ZNF385D: variants seen among roughly 807,000 people sequenced by gnomAD.
ZNF385D encodes the protein zinc finger protein 385D, also known as zinc finger protein 659.
ZNF385D carries 15 observed loss-of-function variants against 35.8 expected under a neutral mutation model. That is an observed-to-expected ratio of 0.42 (90% confidence interval 0.28 to 0.64). ZNF385D has a LOEUF of 0.64. ZNF385D is among the 30% of genes least tolerant of loss of function. The probability of loss-of-function intolerance (pLI) is 0.23; values close to 1 mark genes in which losing one functional copy is unlikely to be tolerated. For synonymous variants in ZNF385D, 212 were observed against 186.8 expected, an observed-to-expected ratio of 1.13 and a Z score of -1.10; for missense variants, 474 against 494.6, an observed-to-expected ratio of 0.96 and a Z score of 0.39.
chr3:21,489,361 A>G (rs910935164), intron 4 of ZNF385D, among the ~76,000 whole-genome samples: 16 of 152,158 alleles, frequency 1.1e-4, no homozygotes, highest in African/African-American at 3.6e-4. Context: ...CATTTGGTCC[A>G]TAGACAGAGA....
At chr3:21,572,654 A>G in intron 2 of ZNF385D, among the ~76,000 whole-genome samples, 1 of 152,182 alleles carries the variant, frequency 6.6e-6, no homozygotes, top group East Asian at 1.9e-4. Flanking sequence ...TAGATTAAAT[A>G]AATCTCGTTA....
chr3:21,819,635 A>T (rs925524064), intron 3 of ZNF385D, among the ~76,000 whole-genome samples: 1 of 146,592 alleles, frequency 6.8e-6, no homozygotes, highest in Non-Finnish European at 1.5e-5. Flanking sequence ...TTATATAATT[A>T]TATATTCTAT....
chr3:21,613,237 T>C (rs2064740839), intron 2 of ZNF385D, among the ~76,000 whole-genome samples: 1 of 152,030 alleles, frequency 6.6e-6, no homozygotes, highest in South Asian at 2.1e-4. Context: ...TCAAGCTGAA[T>C]GTATACCCAA....
In ZNF385D at chr3:21,976,031, C is replaced by A. The variant is rs147910211; in HGVS notation, c.325+192786G>T. 6.0e-3 allele frequency among the ~76,000 whole-genome samples: 920 copies of A among 152,168 alleles called. 10 individuals are homozygous for A. The highest frequency in any genetic ancestry group is 0.021 in the African/African-American group (880 of 41,524). On this transcript the variant is annotated intron_variant, in intron 3 of 5. Transcript: ENST00000494108. ...AGCCTTCAAAGAAGAATGGCCCTAG[C>A]AAACACTCAGGCTCTAACTGGGACA...
chr3:22,140,287 A>G (rs1193031108), intron 3 of ZNF385D, among the ~76,000 whole-genome samples: 1 of 152,204 alleles, frequency 6.6e-6, no homozygotes, highest in African/African-American at 2.4e-5. Flanking sequence ...ATAGATCTTA[A>G]ATTCATAATG....
At chr3:21,656,006 G>A (rs533475267) in intron 2 of ZNF385D, among the ~76,000 whole-genome samples, 19 of 151,890 alleles carry the variant, frequency 1.3e-4, no homozygotes, top group Admixed American at 2.0e-4. Flanking sequence ...GCAATATATC[G>A]TGTATTTACT....
intron 2 of ZNF385D, among the ~76,000 whole-genome samples, chr3:22,185,528 T>C (rs954056141): frequency 6.6e-6 from 1 of 152,192 alleles, no homozygotes; most frequent in Non-Finnish European, 1.5e-5. Context: ...TGGAGTGCAG[T>C]GCGATCTTGG....
At chr3:21,728,863 T>A (rs1478331411) in intron 1 of ZNF385D, among the ~76,000 whole-genome samples, 1 of 152,232 alleles carries the variant, frequency 6.6e-6, no homozygotes, top group African/African-American at 2.4e-5. Context: ...ATGTATTGAT[T>A]ATATTTTTTG....
chr3:22,059,261 A>G (rs2125538097), intron 3 of ZNF385D, among the ~76,000 whole-genome samples: 1 of 152,280 alleles, frequency 6.6e-6, no homozygotes, highest in East Asian at 1.9e-4. Context: ...GAAAGAGAGA[A>G]AGGGAAAAGA....
At chr3:22,021,558 G>C (rs1697225936) in intron 3 of ZNF385D, among the ~76,000 whole-genome samples, 1 of 152,026 alleles carries the variant, frequency 6.6e-6, no homozygotes, top group Non-Finnish European at 1.5e-5. Context: ...CTCAGCCTCA[G>C]TTTTCTTATA....
At chr3:22,215,579 C>T (rs1243342987) in intron 2 of ZNF385D, among the ~76,000 whole-genome samples, 2 of 152,014 alleles carry the variant, frequency 1.3e-5, no homozygotes, top group East Asian at 3.9e-4. Flanking sequence ...GTTGTCTGCT[C>T]TCAAACCCTG....
intron 3 of ZNF385D, among the ~76,000 whole-genome samples, chr3:21,994,394 A>T (rs1695336325): frequency 6.6e-6 from 1 of 152,208 alleles, no homozygotes; most frequent in Non-Finnish European, 1.5e-5. Context: ...GGGTTTTAAA[A>T]ATCATATCTA....
At chr3:21,997,395 T>C (rs899534311) in intron 3 of ZNF385D, among the ~76,000 whole-genome samples, 3 of 152,118 alleles carry the variant, frequency 2.0e-5, no homozygotes, top group African/African-American at 4.8e-5. Flanking sequence ...ATATACCTAA[T>C]GTAAATGACG....
chr3:21,623,107 GC>G (rs2065049436), intron 2 of ZNF385D, among the ~76,000 whole-genome samples: 2 of 152,044 alleles, frequency 1.3e-5, no homozygotes, highest in Non-Finnish European at 2.9e-5. Context: ...TGCTGTTACT[GC>G]CTGTGTGATT....
intron 2 of ZNF385D, among the ~76,000 whole-genome samples, chr3:22,344,606 G>A (rs1695573754): frequency 6.6e-6 from 1 of 151,850 alleles, no homozygotes; most frequent in Non-Finnish European, 1.5e-5. Context: ...ATTTTTTGTA[G>A]AGAAGGGGTT....
intron 3 of ZNF385D, among the ~76,000 whole-genome samples, chr3:21,938,635 C>T (rs7616287): frequency 0.078 from 11,926 of 152,234 alleles, 1,555 homozygotes; most frequent in African/African-American, 0.27. Context: ...GCGTCAGACA[C>T]CTGCCATGTC....
At chr3:22,030,477 G>C (rs1169227661) in intron 3 of ZNF385D, among the ~76,000 whole-genome samples, 2 of 150,080 alleles carry the variant, frequency 1.3e-5, no homozygotes, top group Admixed American at 6.7e-5. Context: ...GAGAGAGAGA[G>C]ACACAGAGAG....
In ZNF385D at chr3:21,659,788, C is replaced by T. The variant is rs140681193; in HGVS notation, c.165+5098G>A. On this transcript the variant is annotated intron_variant, in intron 2 of 7. Transcript: ENST00000281523. ...TATCTGTTGAATAAATTTTTAAAAA[C>T]CCCACTGTCTGGGAGTGTAAAAATT... is the stretch of plus-strand genomic sequence containing the variant. Among the ~76,000 whole-genome samples the T allele has an allele frequency of 4.8e-3, 728 of 152,168 alleles. 11 individuals are homozygous for T. The highest frequency in any genetic ancestry group is 0.017 in the African/African-American group (704 of 41,550).
chr3:21,826,874 G>T (rs1392005242), intron 3 of ZNF385D, among the ~76,000 whole-genome samples: 1 of 151,772 alleles, frequency 6.6e-6, no homozygotes, highest in South Asian at 2.1e-4. Context: ...GTGGTCCCAG[G>T]GTCCTCTCTT....
Sources: allele counts gnomAD v4.1 joint callset (sites outside exome capture counted in the v4.1 genomes callset), GRCh38; gene constraint gnomAD v4.1.1; transcripts MANE v1.5; gene names NCBI Gene and HGNC (gene_info 2026-07-23, HGNC 2026-07-21).